The following ZNF717 variants were observed in gnomAD, a reference collection of about 807,000 sequenced individuals.
The protein encoded by ZNF717 is zinc finger protein 717, also known as krueppel-like factor X17.
ZNF717 carries 9 observed loss-of-function variants against 13.8 expected under a neutral mutation model. That is an observed-to-expected ratio of 0.65 (90% CI 0.39 to 1.14). The LOEUF (loss-of-function observed/expected upper bound fraction) is 1.14, where lower values mean the gene tolerates loss of function less well. ZNF717 is among the 50% of genes most tolerant of loss of function. The probability of loss-of-function intolerance (pLI) is 0.01; values close to 1 mark genes in which losing one functional copy is unlikely to be tolerated. For synonymous variants in ZNF717, 327 were observed against 364.1 expected (o/e 0.90, Z 1.16); for missense variants, 1,040 against 1,080.7 (o/e 0.96, Z 0.53).
chr3:75,729,644 G>A (rs1370823458), downstream of ZNF717, among the ~76,000 whole-genome samples: 11 of 142,954 alleles, frequency 7.7e-5, no homozygotes, highest in Non-Finnish European at 1.5e-4. Context: ...AAAAGGATAA[G>A]CTATCAATTT....
chr3:75,694,975 G>A (rs1053984796), intron 6 of ZNF717, among the ~76,000 whole-genome samples: 4 of 152,096 alleles, frequency 2.6e-5, no homozygotes, highest in African/African-American at 9.7e-5. Flanking sequence ...AATGGCAGGA[G>A]TAAGTGCTTA....
At chr3:75,712,644 A>G (rs1420346208) in intron 5 of ZNF717, among the ~76,000 whole-genome samples, 1 of 152,176 alleles carries the variant, frequency 6.6e-6, no homozygotes, top group Non-Finnish European at 1.5e-5. Context: ...ATTTTAGTTT[A>G]GGATGAAAAT....
intron 2 of ZNF717, among the ~76,000 whole-genome samples, chr3:75,755,779 C>A (rs1298067638): frequency 6.6e-6 from 1 of 152,178 alleles, no homozygotes; most frequent in Non-Finnish European, 1.5e-5. Context: ...CTAAAATCAT[C>A]AATGAAAACT....
chr3:75,698,117 G>GCTT (rs1937624649), intron 6 of ZNF717, among the ~76,000 whole-genome samples: 2 of 151,962 alleles, frequency 1.3e-5, no homozygotes, highest in Non-Finnish European at 2.9e-5. Flanking sequence ...TGGCCTGGCT[G>GCTT]CTTCTAACAA....
At chr3:75,723,224 T>C (rs1365489170) in intron 4 of ZNF717, among the ~76,000 whole-genome samples, 1 of 151,732 alleles carries the variant, frequency 6.6e-6, no homozygotes, top group Non-Finnish European at 1.5e-5. Flanking sequence ...AACAGCTCAG[T>C]TATTTTTCTT....
At position 75,737,362 on chromosome 3, in the gene ZNF717, C is replaced by T. The variant is rs1475280996; in HGVS notation, c.2261G>A (p.Gly754Glu). Residue 754 changes from glycine to glutamate, a missense_variant, in exon 5 of 5, where the codon GGA becomes GAA. This residue lies in a region of ZNF717 where 873 missense variants were observed against 832.8 expected (regional missense o/e 1.05). Transcript: ENST00000652011. ...CTCATTACATTCATAAGGTTTTTCT[C>T]CGGTATGGGTTCTATGATGTACAGT... The part of the protein sequence containing the change: ...VLTVHHRTHT[G>E]EKPYECNECG... The T allele has an allele frequency of 1.5e-5, 24 of 1,552,546 alleles. No individual in the cohort carries two copies. The highest frequency in any genetic ancestry group is 2.0e-5 in the Admixed American group (1 of 51,004).
chr3:75,768,925 C>T (rs533361013), intron 2 of ZNF717, among the ~76,000 whole-genome samples: 17 of 152,334 alleles, frequency 1.1e-4, no homozygotes, highest in Admixed American at 3.3e-4. Flanking sequence ...CAATCACAAC[C>T]TGATTCAGGA....
chr3:75,753,581 G>A (rs552741311), intron 2 of ZNF717, among the ~76,000 whole-genome samples: 9 of 27,804 alleles, frequency 3.2e-4, no homozygotes, highest in Non-Finnish European at 7.4e-4. Context: ...ACACTGCTGC[G>A]AGTGTCTGAA....
intron 6 of ZNF717, among the ~76,000 whole-genome samples, chr3:75,697,071 T>C (rs1270850809): frequency 2.0e-5 from 3 of 152,290 alleles, no homozygotes; most frequent in Admixed American, 1.3e-4. Context: ...ACAGCTAGTA[T>C]CATACTAAGT....
downstream of ZNF717, among the ~76,000 whole-genome samples, chr3:75,708,050 C>T (rs1575714404): frequency 6.6e-6 from 1 of 152,248 alleles, no homozygotes; most frequent in South Asian, 2.1e-4. Flanking sequence ...AAAAAGACAG[C>T]AGTAACCTCT....
chr3:75,707,947 C>T (rs906664374), downstream of ZNF717, among the ~76,000 whole-genome samples: 1 of 152,244 alleles, frequency 6.6e-6, no homozygotes, highest in East Asian at 1.9e-4. Flanking sequence ...AACAAAGCAG[C>T]CGGGAAGCTC....
At chr3:75,719,032 G>A (rs77831207) in intron 4 of ZNF717, among the ~76,000 whole-genome samples, 2 of 152,162 alleles carry the variant, frequency 1.3e-5, no homozygotes, top group Non-Finnish European at 2.9e-5. Flanking sequence ...GGTGGTTCAT[G>A]CCTGTAATCA....
At chr3:75,781,001 G>A in intron 2 of ZNF717, among the ~76,000 whole-genome samples, 1 of 152,224 alleles carries the variant, frequency 6.6e-6, no homozygotes, top group African/African-American at 2.4e-5. Flanking sequence ...CATTTGCAAT[G>A]GTAATAGTGA....
At chr3:75,744,297 G>A (rs560868137) in intron 2 of ZNF717, among the ~76,000 whole-genome samples, 17 of 152,344 alleles carry the variant, frequency 1.1e-4, no homozygotes, top group African/African-American at 4.1e-4. Context: ...CATGTAAGAA[G>A]CTTGGAAGTA....
At chr3:75,746,610 A>G (rs1476048058) in intron 2 of ZNF717, among the ~76,000 whole-genome samples, 3 of 152,000 alleles carry the variant, frequency 2.0e-5, no homozygotes, top group African/African-American at 7.3e-5. Context: ...TGTGATTTTG[A>G]TTTGCATTTC....
downstream of ZNF717, chr3:75,732,214 G>A (rs879115860): frequency 8.7e-6 from 6 of 693,480 alleles, no homozygotes; most frequent in South Asian, 9.1e-5. Context: ...CTGAACCTCA[G>A]CCTAACCTGC....
At chr3:75,762,559 C>T (rs566844744) in intron 2 of ZNF717, among the ~76,000 whole-genome samples, 274 of 151,036 alleles carry the variant, frequency 1.8e-3, no homozygotes, top group African/African-American at 6.0e-3. Flanking sequence ...TCGAAAGAAA[C>T]TAAACACAAA....
At chr3:75,754,325 A>G (rs1402512617) in intron 2 of ZNF717, among the ~76,000 whole-genome samples, 2 of 152,072 alleles carry the variant, frequency 1.3e-5, no homozygotes, top group Non-Finnish European at 2.9e-5. Context: ...AATTATGGGG[A>G]AAAAATTACA....
At chr3:75,767,349 CA>C (rs560560026) in intron 2 of ZNF717, among the ~76,000 whole-genome samples, 28 of 152,366 alleles carry the variant, frequency 1.8e-4, no homozygotes, top group African/African-American at 6.0e-4. Context: ...AGCTGGCCAA[CA>C]AGACTCTCTA....
Sources: gnomAD v4.1 joint callset for allele counts (sites outside exome capture counted in the v4.1 genomes callset) on GRCh38, gnomAD v4.1.1 for gene constraint, gnomAD v4.1.1 regional missense constraint, MANE v1.5 for transcripts, NCBI Gene and HGNC (gene_info 2026-07-23, HGNC 2026-07-21) for gene names.